The following PTPRK variants were observed in gnomAD, a reference collection of about 807,000 sequenced individuals.
The protein encoded by PTPRK is protein tyrosine phosphatase receptor type K.
In PTPRK, 75 loss-of-function variants were observed where a neutral mutation model predicts 178.0. That is an observed-to-expected ratio of 0.42 (90% CI 0.35 to 0.51). PTPRK has a LOEUF of 0.51. PTPRK is among the 20% of genes least tolerant of loss of function. PTPRK has a pLI of 0.02. For synonymous variants in PTPRK, 637 were observed against 620.6 expected (o/e 1.03, Z -0.39); for missense variants, 1,441 against 1,797.8 (o/e 0.80, Z 3.59).
intron 3 of PTPRK, among the ~76,000 whole-genome samples, chr6:128,265,144 C>T (rs1443540496): frequency 4.6e-5 from 7 of 152,114 alleles, no homozygotes; most frequent in East Asian, 1.9e-4. Flanking sequence ...CTGAGAGAAA[C>T]GAAGTGACAA....
At chr6:127,978,068 ACC>A (rs1378467038) in intron 25 of PTPRK, among the ~76,000 whole-genome samples, 1 of 152,190 alleles carries the variant, frequency 6.6e-6, no homozygotes, top group Admixed American at 6.5e-5. Flanking sequence ...AATGCTACCA[ACC>A]ATGGCATTCA....
intron 13 of PTPRK, among the ~76,000 whole-genome samples, chr6:128,045,681 T>A (rs191763680): frequency 1.8e-4 from 28 of 152,220 alleles, no homozygotes; most frequent in Admixed American, 6.5e-5. Flanking sequence ...TGAATTATTG[T>A]ACTAAATAAT....
chr6:128,397,648 G>C lies in PTPRK; in HGVS notation c.141C>G (p.Tyr47Ter). The C allele has an allele frequency of 6.2e-7, 1 of 1,613,030 alleles. No individual in the cohort carries two copies. The highest frequency in any genetic ancestry group is 8.5e-7 in the Non-Finnish European group (1 of 1,179,170). ...TFDDGPGACD[Y>*]HQDLYDDFEW... ...CAAAGTCATCATACAGATCCTGGTGGTAATCACAGGCCCCTGGACCATCAT... is the reference window on the plus strand; with the variant it reads ...CAAAGTCATCATACAGATCCTGGTGCTAATCACAGGCCCCTGGACCATCAT... The change falls in exon 2 of 30, where the codon TAC becomes TAG. Residue 47 changes from tyrosine to a stop codon, truncating the protein, a stop_gained. Coordinates refer to ENST00000368226, the MANE Select transcript of PTPRK (RefSeq NM_002844.4). LOFTEE classifies it high-confidence loss of function.
intron 7 of PTPRK, among the ~76,000 whole-genome samples, chr6:128,111,670 C>A (rs1281649599): frequency 6.6e-6 from 1 of 150,864 alleles, no homozygotes; most frequent in Non-Finnish European, 1.5e-5. Context: ...CTCACCCAAC[C>A]ACCCCATCTG....
intron 7 of PTPRK, among the ~76,000 whole-genome samples, chr6:128,120,812 T>G (rs17055318): frequency 0.026 from 3,903 of 151,926 alleles, 75 homozygotes; most frequent in Middle Eastern, 0.092. Context: ...AACGCTAAAG[T>G]AAAATTATGG....
chr6:128,207,266 T>A (rs893710533), intron 6 of PTPRK, among the ~76,000 whole-genome samples: 2 of 152,176 alleles, frequency 1.3e-5, no homozygotes, highest in Admixed American at 1.3e-4. Context: ...TCATTCCTGA[T>A]TCACAGCTAA....
At chr6:128,425,079 CTTTTT>C (rs1157646907) in intron 1 of PTPRK, among the ~76,000 whole-genome samples, 1 of 134,078 alleles carries the variant, frequency 7.5e-6, no homozygotes. Flanking sequence ...AATGTGTAGT[CTTTTT>C]TTTTTTTTTT....
chr6:128,088,268 C>G (rs545413455), intron 8 of PTPRK, among the ~76,000 whole-genome samples: 4 of 151,880 alleles, frequency 2.6e-5, no homozygotes, highest in Admixed American at 2.6e-4. Flanking sequence ...ATCCCAGCTA[C>G]TTGGGAGGCT....
Position 128,520,256 on chromosome 6 carries a change from C to G in PTPRK, c.100+3G>C. ...TCGTCGGGGACGCCCCCCGGCCACT[C>G]ACCTGCGGAGAACTGGCCTTGGGCC... On this transcript the variant is annotated splice_donor_region_variant and intron_variant, in intron 1 of 29. Coordinates refer to ENST00000368226, the MANE Select transcript of PTPRK (RefSeq NM_002844.4). 6.3e-7 allele frequency: 1 copy of G among 1,588,160 alleles called. No homozygotes were observed. The highest frequency in any genetic ancestry group is 8.6e-7 in the Non-Finnish European group (1 of 1,167,032).
At chr6:128,136,788 C>G (rs1031464587) in intron 7 of PTPRK, among the ~76,000 whole-genome samples, 13 of 152,162 alleles carry the variant, frequency 8.5e-5, no homozygotes, top group African/African-American at 2.7e-4. Context: ...AAAGAAAATG[C>G]ATTCTTCACT....
At chr6:127,991,816 A>G (rs1363950892) in intron 19 of PTPRK, among the ~76,000 whole-genome samples, 1 of 151,680 alleles carries the variant, frequency 6.6e-6, no homozygotes, top group Non-Finnish European at 1.5e-5. Flanking sequence ...ATATCCTTAC[A>G]CGTAAGGACA....
chr6:128,011,549 T>C (rs898292988), intron 13 of PTPRK, among the ~76,000 whole-genome samples: 2 of 151,226 alleles, frequency 1.3e-5, no homozygotes, highest in Middle Eastern at 3.4e-3. Context: ...AGATAATGTA[T>C]ATGGGTACAA....
intron 1 of PTPRK, among the ~76,000 whole-genome samples, chr6:128,494,948 T>A (rs1343925748): frequency 2.6e-5 from 4 of 152,172 alleles, no homozygotes; most frequent in Non-Finnish European, 5.9e-5. Context: ...TCACAAAAAA[T>A]AAATAAATAA....
chr6:128,247,509 G>T (rs1048785076), intron 3 of PTPRK, among the ~76,000 whole-genome samples: 2 of 151,810 alleles, frequency 1.3e-5, no homozygotes, highest in African/African-American at 4.8e-5. Flanking sequence ...TGTAGAGACG[G>T]GGTTTTAACA....
At chr6:128,308,127 G>A (rs1024830194) in intron 3 of PTPRK, among the ~76,000 whole-genome samples, 2 of 150,070 alleles carry the variant, frequency 1.3e-5, no homozygotes, top group Non-Finnish European at 3.0e-5. Flanking sequence ...CCTGGATATT[G>A]ACTGGGAAAA....
chr6:128,098,747 T>C (rs1788305880), intron 7 of PTPRK, among the ~76,000 whole-genome samples: 1 of 152,192 alleles, frequency 6.6e-6, no homozygotes, highest in Admixed American at 6.5e-5. Context: ...AATTTAAGAA[T>C]TGCATTTCTA....
At chr6:128,311,481 A>G (rs1291077020) in intron 3 of PTPRK, among the ~76,000 whole-genome samples, 1 of 152,108 alleles carries the variant, frequency 6.6e-6, no homozygotes, top group African/African-American at 2.4e-5. Flanking sequence ...TTTTCAACAT[A>G]CTACTTCCCT....
chr6:128,118,489 C>T (rs1381527617), intron 7 of PTPRK, among the ~76,000 whole-genome samples: 2 of 152,140 alleles, frequency 1.3e-5, no homozygotes, highest in Non-Finnish European at 2.9e-5. Flanking sequence ...TTAACAATTT[C>T]CTTTGAACCA....
At chr6:128,209,870 T>C (rs1807764819) in intron 6 of PTPRK, among the ~76,000 whole-genome samples, 1 of 152,078 alleles carries the variant, frequency 6.6e-6, no homozygotes, top group Non-Finnish European at 1.5e-5. Flanking sequence ...GAGAGTCTTA[T>C]GAAGGACTGA....
Sources: gnomAD v4.1 joint callset for allele counts (sites outside exome capture counted in the v4.1 genomes callset) on GRCh38, gnomAD v4.1.1 for gene constraint, MANE v1.5 for transcripts, NCBI Gene and HGNC (gene_info 2026-07-23, HGNC 2026-07-21) for gene names.